PTPRT: variants seen among roughly 807,000 people sequenced by gnomAD.
The protein encoded by PTPRT is protein tyrosine phosphatase receptor type T, also known as receptor-type tyrosine-protein phosphatase T.
Under a neutral mutation model 176.8 loss-of-function variants are expected in PTPRT, and 56 were observed. That is an observed-to-expected ratio of 0.32 (90% CI 0.26 to 0.40). The LOEUF (loss-of-function observed/expected upper bound fraction) is 0.40, where lower values mean the gene tolerates loss of function less well. Among genes scored for constraint, PTPRT ranks in the 10% least tolerant of loss-of-function variants. The pLI, the probability that PTPRT is intolerant of heterozygous loss-of-function variation, is 1.00. For synonymous variants in PTPRT, 783 were observed against 739.0 expected (o/e 1.06, Z -0.96); for missense variants, 1,540 against 1,908.2 (o/e 0.81, Z 3.60).
chr20:42,516,988 A>G (rs2072079194), intron 7 of PTPRT, among the ~76,000 whole-genome samples: 1 of 152,130 alleles, frequency 6.6e-6, no homozygotes, highest in East Asian at 1.9e-4. Flanking sequence ...AAGAAAATAA[A>G]GCTATAATTT....
At chr20:42,071,906 C>G (rs1294401871), downstream of PTPRT, among the ~76,000 whole-genome samples, 2 of 152,158 alleles carry the variant, frequency 1.3e-5, no homozygotes, top group Admixed American at 6.5e-5. Flanking sequence ...TGATCTCCCA[C>G]TTTGGTCTTC....
At chr20:42,755,119 C>T (rs576672909) in intron 6 of PTPRT, among the ~76,000 whole-genome samples, 18 of 152,150 alleles carry the variant, frequency 1.2e-4, no homozygotes, top group African/African-American at 4.1e-4. Context: ...GAGGTGTGGG[C>T]GGGGGGTCAG....
At chr20:42,581,495 A>G (rs755571448) in intron 7 of PTPRT, among the ~76,000 whole-genome samples, 36 of 151,126 alleles carry the variant, frequency 2.4e-4, no homozygotes, top group Non-Finnish European at 4.3e-4. Context: ...ATGAATATCT[A>G]TTGAATTGCA....
chr20:42,818,717 G>C (rs2077835813), intron 2 of PTPRT, among the ~76,000 whole-genome samples: 1 of 152,278 alleles, frequency 6.6e-6, no homozygotes, highest in Non-Finnish European at 1.5e-5. Flanking sequence ...TTACCTGATG[G>C]AGCTGAAAAA....
chr20:42,734,673 G>A (rs971889337), intron 6 of PTPRT, among the ~76,000 whole-genome samples: 3 of 152,278 alleles, frequency 2.0e-5, no homozygotes, highest in South Asian at 2.1e-4. Flanking sequence ...AAACAACCCC[G>A]AATCTTGATG....
intron 1 of PTPRT, among the ~76,000 whole-genome samples, chr20:43,138,292 T>C (rs1464686611): frequency 6.6e-6 from 1 of 152,142 alleles, no homozygotes; most frequent in Non-Finnish European, 1.5e-5. Context: ...GCCAACCGAG[T>C]AGGCCAGAGC....
intron 1 of PTPRT, among the ~76,000 whole-genome samples, chr20:42,985,417 C>A (rs1288715750): frequency 6.6e-6 from 1 of 152,014 alleles, no homozygotes; most frequent in Non-Finnish European, 1.5e-5. Flanking sequence ...ATCACTTGAA[C>A]CCAGGAGGCA....
intron 9 of PTPRT, among the ~76,000 whole-genome samples, chr20:42,426,619 T>C (rs1426010248): frequency 6.6e-6 from 1 of 152,242 alleles, no homozygotes; most frequent in Non-Finnish European, 1.5e-5. Context: ...CACTGTAGCA[T>C]GCCCACTGAG....
chr20:42,039,362 C>T, the PTPRT span, among the ~76,000 whole-genome samples: 1 of 151,988 alleles, frequency 6.6e-6, no homozygotes, highest in Non-Finnish European at 1.5e-5. Flanking sequence ...ATTCTGTTAG[C>T]AATTTTCAAA....
At chr20:42,952,839 G>A (rs1981338355) in intron 1 of PTPRT, among the ~76,000 whole-genome samples, 1 of 152,156 alleles carries the variant, frequency 6.6e-6, no homozygotes. Context: ...ACCTCTCTGA[G>A]GCTCTCTTTT....
At chr20:43,042,875 G>GT (rs1189909160) in intron 1 of PTPRT, among the ~76,000 whole-genome samples, 1 of 151,966 alleles carries the variant, frequency 6.6e-6, no homozygotes, top group Non-Finnish European at 1.5e-5. Flanking sequence ...CTCAACTGTG[G>GT]TTTTGTGCCA....
chr20:42,401,212 C>T (rs905534217), intron 9 of PTPRT, among the ~76,000 whole-genome samples: 2 of 151,848 alleles, frequency 1.3e-5, no homozygotes, highest in Non-Finnish European at 2.9e-5. Flanking sequence ...GACATCTTAA[C>T]GCATTACAGG....
At chr20:42,914,885 A>G (rs1416649199) in intron 1 of PTPRT, among the ~76,000 whole-genome samples, 1 of 152,112 alleles carries the variant, frequency 6.6e-6, no homozygotes, top group East Asian at 1.9e-4. Context: ...GTTAAAAAAA[A>G]AAAAAATACA....
chr20:42,042,245 C>T, the PTPRT span, among the ~76,000 whole-genome samples: 1 of 152,168 alleles, frequency 6.6e-6, no homozygotes, highest in Non-Finnish European at 1.5e-5. Flanking sequence ...ACTCAGCCCT[C>T]CTGCAAAGAA....
intron 14 of PTPRT, among the ~76,000 whole-genome samples, chr20:42,240,596 C>T (rs552461350): frequency 1.4e-4 from 21 of 152,158 alleles, no homozygotes; most frequent in Non-Finnish European, 2.8e-4. Flanking sequence ...TATCTAACGA[C>T]CCATTTAACC....
At chr20:42,604,028 A>C (rs929590055) in intron 7 of PTPRT, among the ~76,000 whole-genome samples, 3 of 152,202 alleles carry the variant, frequency 2.0e-5, no homozygotes, top group African/African-American at 7.2e-5. Context: ...ATTAGCACAT[A>C]AATACACTGA....
chr20:42,626,177 C>A (rs2074286337), intron 7 of PTPRT, among the ~76,000 whole-genome samples: 1 of 152,046 alleles, frequency 6.6e-6, no homozygotes, highest in African/African-American at 2.4e-5. Context: ...TGAGGCTCAT[C>A]TAGTTTAAGA....
intron 9 of PTPRT, among the ~76,000 whole-genome samples, chr20:42,355,792 A>G (rs1600882116): frequency 6.6e-6 from 1 of 152,148 alleles, no homozygotes; most frequent in East Asian, 1.9e-4. Flanking sequence ...AACTACATTG[A>G]TATACAGACA....
chr20:42,739,659 T>C (rs534801800), intron 6 of PTPRT, among the ~76,000 whole-genome samples: 1 of 152,288 alleles, frequency 6.6e-6, no homozygotes, highest in South Asian at 2.1e-4. Flanking sequence ...ACAACTTAGT[T>C]CTGAACATAT....
Sources: allele counts gnomAD v4.1 joint callset (sites outside exome capture counted in the v4.1 genomes callset), GRCh38; gene constraint gnomAD v4.1.1; transcripts MANE v1.5; gene names NCBI Gene and HGNC (gene_info 2026-07-23, HGNC 2026-07-21).